Variants in CIP2A observed in about 807,000 individuals in gnomAD.
CIP2A encodes cellular inhibitor of PP2A.
In CIP2A, 103 loss-of-function variants were observed where a neutral mutation model predicts 110.9. The observed-to-expected ratio is 0.93, with a 90% CI of 0.79 to 1.09. The LOEUF is 1.09. Ranked by LOEUF, CIP2A falls within the 50% of genes least tolerant of loss-of-function variation. The pLI, the probability that CIP2A is intolerant of heterozygous loss-of-function variation, is 0.00. For missense variants in CIP2A, 1,088 were observed against 1,038.4 expected, an observed-to-expected ratio of 1.05 and a Z score of -0.66; for synonymous variants, 381 against 361.6, an observed-to-expected ratio of 1.05 and a Z score of -0.61.
At chr3:108,556,502 A>C (rs1937805472) in intron 17 of CIP2A, among the ~76,000 whole-genome samples, 1 of 152,192 alleles carries the variant, frequency 6.6e-6, no homozygotes, top group African/African-American at 2.4e-5. Context: ...TTGAAAATCC[A>C]AAATCAGTCT....
At chr3:108,575,084 C>T (rs543909063) in intron 8 of CIP2A, 1 of 151,956 alleles carries the variant, frequency 6.6e-6, no homozygotes, top group Non-Finnish European at 1.5e-5. Context: ...TGTAATGTCC[C>T]CTTATTCATG....
At chr3:108,559,912 A>G (rs1184011703) in intron 15 of CIP2A, 42 bp downstream of exon 15, 1 of 1,574,408 alleles carries the variant, frequency 6.4e-7, no homozygotes, top group South Asian at 1.1e-5. Context: ...GAATACATCT[A>G]TTAAAGCTTA....
Position 108,569,450 on chromosome 3 carries a change from G to C in CIP2A, c.1052C>G (p.Pro351Arg), listed in dbSNP as rs765548458. The C allele has an allele frequency of 1.4e-5, 23 of 1,612,562 alleles. No individual in the cohort carries two copies. The highest frequency in any genetic ancestry group is 1.7e-5 in the Non-Finnish European group (20 of 1,179,260). The change falls in exon 9 of 21, where the codon CCT (proline) becomes CGT (arginine). Residue 351 changes from proline to arginine, a missense_variant. By Grantham distance (103) the Pro-to-Arg change is moderately radical (BLOSUM62 -2). Transcript: ENST00000295746. ...AGAACAGTTTTCTGATCCGTCCAAAGGTTGGCTTAACCAGCGCAGTAGAGC... is the reference window on the plus strand; with the variant it reads ...AGAACAGTTTTCTGATCCGTCCAAACGTTGGCTTAACCAGCGCAGTAGAGC... Reference protein sequence around the residue: ...TVALLRWLSQPLDGSENCSVL... With the variant: ...TVALLRWLSQRLDGSENCSVL...
intron 8 of CIP2A, chr3:108,574,447 T>C (rs1347930549): frequency 2.6e-5 from 4 of 152,218 alleles, no homozygotes; most frequent in Admixed American, 2.6e-4. Context: ...AACTTACGTA[T>C]ATCCTATGAC....
chr3:108,579,183 C>A (rs549808788), intron 7 of CIP2A, 98 bp downstream of exon 7: 1 of 930,954 alleles, frequency 1.1e-6, no homozygotes, highest in Non-Finnish European at 1.7e-6. Flanking sequence ...TCAGTAGAAT[C>A]CAAGTTTATT....
Position 108,551,313 on chromosome 3 carries a change from A to ATCCC in CIP2A, c.2553_2554insGGGA (p.Ser852GlyfsTer65). 1 of 1,603,300 alleles carries ATCCC rather than the reference A, an allele frequency of 6.2e-7. No homozygotes were observed. The highest frequency in any genetic ancestry group is 8.5e-7 in the Non-Finnish European group (1 of 1,174,260). On this transcript the variant is annotated frameshift_variant, in exon 21 of 21. Coordinates refer to ENST00000295746, the MANE Select transcript of CIP2A (RefSeq NM_020890.3). LOFTEE classifies it high-confidence loss of function. The stretch of plus-strand genomic sequence containing the variant: ...AATTGTGCCTTTTGAACCTCTAGGG[A>ATCCC]GGAAGCCTAAGGAATTGGGGTTGGG...
intron 10 of CIP2A, 153 bp from the exon 11 acceptor site, chr3:108,566,791 C>A: frequency 1.9e-6 from 1 of 519,250 alleles, no homozygotes; most frequent in South Asian, 3.6e-5. Flanking sequence ...CTGAAACTCA[C>A]ACAATTTAAA....
At chr3:108,581,889 A>G (rs572961031) in intron 4 of CIP2A, among the ~76,000 whole-genome samples, 1 of 151,446 alleles carries the variant, frequency 6.6e-6, no homozygotes, top group Non-Finnish European at 1.5e-5. Flanking sequence ...TTGCTTTACA[A>G]TTTTTTTTTC....
chr3:108,565,816 G>A (rs1443399145), intron 11 of CIP2A, among the ~76,000 whole-genome samples: 1 of 151,692 alleles, frequency 6.6e-6, no homozygotes, highest in Non-Finnish European at 1.5e-5. Context: ...TATCTAATAC[G>A]TAATGAATGA....
In CIP2A at chr3:108,568,122, TAC is replaced by T. The variant is rs768349069; in HGVS notation, c.1273+31_1273+32del. 2.5e-5 allele frequency: 39 copies of T among 1,562,142 alleles called. No homozygotes were observed. The African/African-American group carries it at 4.9e-4, about 20-fold the overall frequency. Reference sequence around the variant, plus strand: ...CTAGAAAAAAAAGAATGGTTAGTTATACAGTTTTCACGTTAATGACAGTAAAG... The same window carrying T: ...CTAGAAAAAAAAGAATGGTTAGTTATAGTTTTCACGTTAATGACAGTAAAG... On this transcript the variant is annotated intron_variant, in intron 10 of 20. Transcript: ENST00000295746.
chr3:108,560,329 G>A (rs901199208), intron 14 of CIP2A, among the ~76,000 whole-genome samples: 2 of 151,950 alleles, frequency 1.3e-5, no homozygotes, highest in African/African-American at 2.4e-5. Flanking sequence ...GAGCCAACAC[G>A]TCCAGCTAAT....
chr3:108,563,154 C>T lies in CIP2A; in HGVS notation c.1606G>A (p.Ala536Thr). 6.2e-7 allele frequency: 1 copy of T among 1,611,660 alleles called. No homozygotes were observed. Among genetic ancestry groups the T allele is most frequent in the South Asian group, 1.1e-5 (1 of 91,016 alleles). The change falls in exon 13 of 21, where the codon GCT (alanine) becomes ACT (threonine). Residue 536 changes from alanine (A) to threonine (T), a missense_variant. Coordinates refer to ENST00000295746, the MANE Select transcript of CIP2A (RefSeq NM_020890.3). ...AAAGCAGGAAAATCTGGCAGTGGAG[C>T]AGCCTCCAATAATATTCTCAGTCCA... Reference protein sequence around the residue: ...QSGLRILLEAAPLPDFPALVL... With the variant: ...QSGLRILLEATPLPDFPALVL...
rs763787223 is a variant in CIP2A, at chr3:108,576,355, A to C, written c.819-9T>G. On this transcript the variant is annotated splice_polypyrimidine_tract_variant and intron_variant, in intron 7 of 20. Coordinates refer to ENST00000295746, the MANE Select transcript of CIP2A (RefSeq NM_020890.3). Reference sequence around the variant, plus strand: ...AAGAAAAGTGCTCATATCTAGGTTTAGAATAAAAATATACATCAAATGATA... The same window carrying C: ...AAGAAAAGTGCTCATATCTAGGTTTCGAATAAAAATATACATCAAATGATA... The C allele has an allele frequency of 1.0e-4, 144 of 1,415,588 alleles. No individual in the cohort carries two copies. The highest frequency in any genetic ancestry group is 1.3e-4 in the Non-Finnish European group (133 of 1,030,800). The allele number at this position is 1,415,588 out of a possible 1,614,324, so 87.7% of individuals were successfully genotyped here. A position where few individuals can be genotyped will look rare whatever the true frequency, so the allele number is the denominator to read the frequency against.
rs564237368 is a variant in CIP2A, at chr3:108,557,680, C to T, written c.2014-266G>A. On this transcript the variant is annotated intron_variant, in intron 16 of 20. Transcript: ENST00000295746. ...GATACAACTGCAGCAACATGAAGGTCGCGCTACATACAGTATTCAATTAAA... is the reference window on the plus strand; with the variant it reads ...GATACAACTGCAGCAACATGAAGGTTGCGCTACATACAGTATTCAATTAAA... Among the ~76,000 whole-genome samples the T allele has an allele frequency of 7.9e-5, 12 of 152,152 alleles. No homozygotes were observed. In the South Asian group the frequency reaches 1.9e-3, roughly 24 times the overall value.
At chr3:108,569,185 T>TACACATACAC (rs1559695662) in intron 9 of CIP2A, among the ~76,000 whole-genome samples, 8 of 125,078 alleles carry the variant, frequency 6.4e-5, no homozygotes, top group African/African-American at 2.4e-4. Flanking sequence ...TATATATACA[T>TACACATACAC]ACACACTACT....
At chr3:108,562,553 C>G (rs1471883143) in intron 13 of CIP2A, among the ~76,000 whole-genome samples, 1 of 152,034 alleles carries the variant, frequency 6.6e-6, no homozygotes, top group East Asian at 1.9e-4. Flanking sequence ...GTTCAGAGAG[C>G]CCTGAAATCT....
chr3:108,552,154 A>T (rs867557238), intron 20 of CIP2A, 80 bp downstream of exon 20: 324 of 1,149,610 alleles, frequency 2.8e-4, no homozygotes, highest in Middle Eastern at 1.0e-3. Context: ...AAGAAACAGT[A>T]CATTCCTTTA....
Position 108,579,290 on chromosome 3 carries a change from T to A in CIP2A, c.809A>T (p.Tyr270Phe), listed in dbSNP as rs1031725667. Residue 270 changes from tyrosine (Y) to phenylalanine (F), a missense_variant, in exon 7 of 21, where the codon TAT becomes TTT. Tyr to Phe is a conservative substitution (Grantham distance 22). Coordinates refer to ENST00000295746, the MANE Select transcript of CIP2A (RefSeq NM_020890.3). Reference protein sequence around the residue: ...DLLKNPKIADYLTRYEHFSSC... With the variant: ...DLLKNPKIADFLTRYEHFSSC... ...CTGAAGTGAGTCATACCTGGTGAGA[T>A]AATCAGCAATTTTAGGATTCTTAAG... is the stretch of plus-strand genomic sequence containing the variant. 6.2e-7 allele frequency: 1 copy of A among 1,609,238 alleles called. No homozygotes were observed. Among genetic ancestry groups the A allele is most frequent in the South Asian group, 1.1e-5 (1 of 90,326 alleles).
chr3:108,560,822 C>A lies in CIP2A; in HGVS notation c.1654G>T (p.Ala552Ser). 1 of 1,589,974 alleles carries A rather than the reference C, an allele frequency of 6.3e-7. No individual in the cohort carries two copies. Among genetic ancestry groups the A allele is most frequent in the Non-Finnish European group, 8.5e-7 (1 of 1,169,986 alleles). The change falls in exon 14 of 21, where the codon GCA becomes TCA. Residue 552 changes from alanine (A) to serine (S), a missense_variant. Transcript: ENST00000295746. Reference sequence around the variant, plus strand: ...TCCTGTTGTCTATAGGCATTGTTTGCTGCTATACTTTCTCCAAGTCTGAAT... The same window carrying A: ...TCCTGTTGTCTATAGGCATTGTTTGATGCTATACTTTCTCCAAGTCTGAAT... ...PALVLGESIA[A>S]NNAYRQQETE...
Sources: allele counts gnomAD v4.1 joint callset (sites outside exome capture counted in the v4.1 genomes callset), GRCh38; gene constraint gnomAD v4.1.1; transcripts MANE v1.5; gene names NCBI Gene and HGNC (gene_info 2026-07-23, HGNC 2026-07-21).